Variants in NPL observed in about 807,000 individuals in gnomAD.
The protein encoded by NPL is N-acetylneuraminate lyase.
A neutral mutation model predicts 41.1 loss-of-function variants in NPL; 32 were observed. That is an observed-to-expected ratio of 0.78 (90% CI 0.59 to 1.05). NPL has a LOEUF of 1.05. Among genes scored for constraint, NPL ranks in the 50% least tolerant of loss-of-function variants. The probability of loss-of-function intolerance (pLI) is 0.00; values close to 1 mark genes in which losing one functional copy is unlikely to be tolerated. For missense variants in NPL, 321 were observed against 378.4 expected, an observed-to-expected ratio of 0.85 and a Z score of 1.26; for synonymous variants, 128 against 134.9, an observed-to-expected ratio of 0.95 and a Z score of 0.35.
At chr1:182,819,682 A>T (rs1044624370) in intron 10 of NPL, among the ~76,000 whole-genome samples, 3 of 152,172 alleles carry the variant, frequency 2.0e-5, no homozygotes, top group Non-Finnish European at 4.4e-5. Flanking sequence ...TACGGGTGAG[A>T]CACATGACCA....
chr1:182,813,682 G>C (rs942427736), intron 6 of NPL, among the ~76,000 whole-genome samples: 1 of 152,194 alleles, frequency 6.6e-6, no homozygotes. Flanking sequence ...CTCTGGAATA[G>C]GGATAATCTC....
At chr1:182,794,845 T>G (rs1666613021) in intron 3 of NPL, among the ~76,000 whole-genome samples, 1 of 152,216 alleles carries the variant, frequency 6.6e-6, no homozygotes, top group African/African-American at 2.4e-5. Context: ...GGATGCTGTC[T>G]CTGGACGTCA....
chr1:182,823,104 G>A (rs906770877), intron 11 of NPL, among the ~76,000 whole-genome samples: 3 of 152,228 alleles, frequency 2.0e-5, no homozygotes, highest in Non-Finnish European at 4.4e-5. Flanking sequence ...GTGGATATGA[G>A]AGCAAGACTT....
chr1:182,816,605 G>T, intron 7 of NPL, 109 bp from the exon 8 acceptor site: 1 of 792,350 alleles, frequency 1.3e-6, no homozygotes, highest in East Asian at 2.7e-5. Flanking sequence ...TTGAGAATTT[G>T]AGGCTTCTGA....
Position 182,829,431 on chromosome 1 carries a change from G to A in NPL, c.*523G>A. The A allele has an allele frequency of 7.0e-7, 1 of 1,421,154 alleles. No homozygotes were observed. The highest frequency in any genetic ancestry group is 1.6e-5 in the South Asian group (1 of 64,366). The allele number at this position is 1,421,154 out of a possible 1,614,324, so 88.0% of individuals were successfully genotyped here. A position where few individuals can be genotyped will look rare whatever the true frequency, so the allele number is the denominator to read the frequency against. On this transcript the variant is annotated 3_prime_UTR_variant, in exon 13 of 13. Transcript: ENST00000367553. ...CATTTGGCTGCTCAGTCTAACTCTA[G>A]AATGGATGCTTTTGAATTCATTTCG...
chr1:182,794,194 A>G (rs980202332), intron 2 of NPL, among the ~76,000 whole-genome samples, 162 bp from the exon 3 acceptor site: 1 of 152,140 alleles, frequency 6.6e-6, no homozygotes, highest in Non-Finnish European at 1.5e-5. Flanking sequence ...TTTCCTCCTC[A>G]ATAGAATTAA....
intron 3 of NPL, among the ~76,000 whole-genome samples, chr1:182,796,862 G>A (rs567300020): frequency 1.3e-5 from 2 of 151,914 alleles, no homozygotes; most frequent in African/African-American, 2.4e-5. Context: ...TGGTGAAACC[G>A]CCTCTCTACT....
intron 5 of NPL, among the ~76,000 whole-genome samples, chr1:182,810,679 T>G (rs1331601855): frequency 6.6e-6 from 1 of 152,104 alleles, no homozygotes; most frequent in Non-Finnish European, 1.5e-5. Flanking sequence ...CTTTTTTCTC[T>G]TTTTTTCCTC....
intron 9 of NPL, 54 bp from the exon 10 acceptor site, chr1:182,818,759 C>G: frequency 6.2e-7 from 1 of 1,613,132 alleles, no homozygotes; most frequent in Non-Finnish European, 8.5e-7. Context: ...TATATAGTAG[C>G]ATCTCTTCTC....
chr1:182,798,790 G>A (rs760644790), intron 3 of NPL, among the ~76,000 whole-genome samples: 31 of 152,170 alleles, frequency 2.0e-4, no homozygotes, highest in Non-Finnish European at 3.5e-4. Flanking sequence ...TGGGAGACGA[G>A]GGGACCCAGA....
At chr1:182,819,819 T>C (rs73065397) in intron 10 of NPL, among the ~76,000 whole-genome samples, 12,356 of 152,184 alleles carry the variant, frequency 0.081, 1,350 homozygotes, top group African/African-American at 0.25. Flanking sequence ...TCAGAACTTA[T>C]TTGGTTACAA....
At chr1:182,795,958 G>A (rs190439840) in intron 3 of NPL, 27 of 152,092 alleles carry the variant, frequency 1.8e-4, no homozygotes, top group African/African-American at 6.3e-4. Context: ...TGTTCATCAG[G>A]GACCCACGGA....
chr1:182,825,964 G>A, intron 12 of NPL, 144 bp downstream of exon 12: 3 of 768,404 alleles, frequency 3.9e-6, no homozygotes, highest in Non-Finnish European at 7.0e-6. Context: ...TAACCCTCGG[G>A]GCCAACCATA....
intron 3 of NPL, among the ~76,000 whole-genome samples, chr1:182,797,366 C>T (rs182666874): frequency 8.5e-5 from 13 of 152,260 alleles, no homozygotes; most frequent in East Asian, 1.9e-4. Context: ...TGCACAAGCT[C>T]GGGCTGTATC....
rs3748847 is a variant in NPL, at chr1:182,818,450, G to A, written c.458-91G>A. On this transcript the variant is annotated intron_variant, in intron 8 of 12. Transcript: ENST00000367553. ...GCAGTCAGTTCTGGCTGACAGCAGC[G>A]TGTGGCAGCTCACTGCAGATGCATG... 0.024 allele frequency: 37,329 copies of A among 1,523,780 alleles called. 2,710 individuals are homozygous for A. The African/African-American group carries it at 0.25, about 10-fold the overall frequency. The allele number at this position is 1,523,780 out of a possible 1,614,324, so 94.4% of individuals were successfully genotyped here.
chr1:182,790,298 T>C (rs900779722), intron 1 of NPL, among the ~76,000 whole-genome samples: 3 of 152,220 alleles, frequency 2.0e-5, no homozygotes, highest in Non-Finnish European at 2.9e-5. Flanking sequence ...TAAAAAAGAA[T>C]TTGACTTAGG....
intron 3 of NPL, among the ~76,000 whole-genome samples, chr1:182,798,769 T>G (rs1194839864): frequency 6.6e-6 from 1 of 152,222 alleles, no homozygotes; most frequent in Non-Finnish European, 1.5e-5. Context: ...TATTGTCTTT[T>G]TAACAGTCTT....
In NPL at chr1:182,826,196, G is replaced by C. The variant is rs572171678; in HGVS notation, c.778+376G>C. 3.8e-5 allele frequency: 11 copies of C among 290,094 alleles called. No homozygotes were observed. The South Asian group carries it at 5.0e-4, about 13-fold the overall frequency. The allele number at this position is 290,094 out of a possible 1,614,324, so 18.0% of individuals were successfully genotyped here. On this transcript the variant is annotated intron_variant, in intron 12 of 12. Transcript: ENST00000367553. ...AGATTTTACTAAATTGTGAATGACT[G>C]ACAGCTCTCCCAAGAGTATTTACAA...
intron 6 of NPL, among the ~76,000 whole-genome samples, chr1:182,813,773 A>T (rs1013349041): frequency 5.9e-5 from 9 of 152,204 alleles, no homozygotes; most frequent in African/African-American, 1.9e-4. Flanking sequence ...TGATGCTTGA[A>T]TGGACACTGC....
Sources: allele counts gnomAD v4.1 joint callset (sites outside exome capture counted in the v4.1 genomes callset), GRCh38; gene constraint gnomAD v4.1.1; transcripts MANE v1.5; gene names NCBI Gene and HGNC (gene_info 2026-07-23, HGNC 2026-07-21).